Variants in TEAD1 observed in about 807,000 individuals in gnomAD.
TEAD1 encodes the protein transcriptional enhancer factor TEF-1.
Under a neutral mutation model 54.9 loss-of-function variants are expected in TEAD1, and 9 were observed. The observed-to-expected ratio is 0.16, with a 90% CI of 0.10 to 0.29. The LOEUF (loss-of-function observed/expected upper bound fraction) is 0.29. TEAD1 is among the 10% of genes least tolerant of loss of function. The pLI is 1.00. For synonymous variants in TEAD1, 200 were observed against 187.8 expected, an observed-to-expected ratio of 1.07 and a Z score of -0.53; for missense variants, 387 against 535.9, an observed-to-expected ratio of 0.72 and a Z score of 2.74.
chr11:12,806,647 C>T (rs1946178768), intron 3 of TEAD1, among the ~76,000 whole-genome samples: 1 of 152,256 alleles, frequency 6.6e-6, no homozygotes, highest in African/African-American at 2.4e-5. Context: ...GCATGACTAA[C>T]TTCCAACTGC....
intron 10 of TEAD1, among the ~76,000 whole-genome samples, chr11:12,919,986 G>A (rs374881514): frequency 3.7e-4 from 57 of 152,238 alleles, no homozygotes; most frequent in African/African-American, 1.3e-3. Flanking sequence ...TTGTTCCAGT[G>A]GTTAAACAGA....
At position 12,811,797 on chromosome 11, in the gene TEAD1, G is replaced by A. The variant is rs1173798712; in HGVS notation, c.202+47363G>A. Among the ~76,000 whole-genome samples the A allele has an allele frequency of 2.0e-5, 3 of 148,518 alleles. No individual in the cohort carries two copies. The Admixed American group carries it at 2.0e-4, about 10-fold the overall frequency. ...TGGCCCCGAATCCACTGAGGATCCC[G>A]GGATGGGGGTGCAGGCCTTCGGTTA... is the stretch of plus-strand genomic sequence containing the variant. On this transcript the variant is annotated intron_variant, in intron 3 of 12. Transcript: ENST00000527636.
At chr11:12,849,916 G>A (rs1319363169) in intron 3 of TEAD1, among the ~76,000 whole-genome samples, 2 of 152,016 alleles carry the variant, frequency 1.3e-5, no homozygotes, top group South Asian at 2.1e-4. Context: ...CTGTTTACTT[G>A]GAAACAATTT....
chr11:12,729,353 C>T (rs1944375363), intron 2 of TEAD1, among the ~76,000 whole-genome samples: 2 of 152,156 alleles, frequency 1.3e-5, no homozygotes, highest in African/African-American at 4.8e-5. Context: ...TGCAGATTCT[C>T]ATTCAGTGGA....
intron 10 of TEAD1, among the ~76,000 whole-genome samples, chr11:12,920,249 C>A (rs1306119860): frequency 6.6e-6 from 1 of 152,188 alleles, no homozygotes; most frequent in Non-Finnish European, 1.5e-5. Context: ...AAGCATGGAA[C>A]CTCGTACAGA....
At chr11:12,844,391 C>T (rs1459714409) in intron 3 of TEAD1, among the ~76,000 whole-genome samples, 2 of 152,090 alleles carry the variant, frequency 1.3e-5, no homozygotes, top group Admixed American at 6.5e-5. Context: ...AAAGGAAAGC[C>T]AGTTCCTCCC....
chr11:12,793,188 G>A (rs1240554473), intron 3 of TEAD1, among the ~76,000 whole-genome samples: 3 of 151,986 alleles, frequency 2.0e-5, no homozygotes, highest in Non-Finnish European at 4.4e-5. Flanking sequence ...ATTAAAGTGG[G>A]TTTTCCCTAC....
At chr11:12,708,202 C>G (rs1262806700) in intron 2 of TEAD1, among the ~76,000 whole-genome samples, 1 of 151,728 alleles carries the variant, frequency 6.6e-6, no homozygotes, top group African/African-American at 2.4e-5. Flanking sequence ...CTGGGAGATG[C>G]TGCCTGTGAG....
chr11:12,883,098 T>C lies in TEAD1; in HGVS notation c.672T>C (p.Phe224=). Residue 224 remains phenylalanine, a synonymous_variant, in exon 9 of 13, where the codon TTT becomes TTC. Coordinates refer to ENST00000527636, the MANE Select transcript of TEAD1 (RefSeq NM_021961.6). ...TTCGCCTGGTGGAATTTTCAGCTTTTCTCGAGCAGCAGCGAGACCCAGACT... is the reference window on the plus strand; with the variant it reads ...TTCGCCTGGTGGAATTTTCAGCTTTCCTCGAGCAGCAGCGAGACCCAGACT... 1 of 1,614,184 alleles carries C rather than the reference T, an allele frequency of 6.2e-7. No individual in the cohort carries two copies. Among genetic ancestry groups the C allele is most frequent in the Non-Finnish European group, 8.5e-7 (1 of 1,180,050 alleles).
At chr11:12,803,543 G>C (rs1280118615) in intron 3 of TEAD1, among the ~76,000 whole-genome samples, 1 of 152,218 alleles carries the variant, frequency 6.6e-6, no homozygotes, top group Non-Finnish European at 1.5e-5. Flanking sequence ...AGTGCAGTCT[G>C]TGTGGCCCTC....
chr11:12,836,980 C>A (rs2134026277), intron 3 of TEAD1, among the ~76,000 whole-genome samples: 1 of 152,266 alleles, frequency 6.6e-6, no homozygotes, highest in East Asian at 1.9e-4. Context: ...AACGTTCAGC[C>A]TCTAAGCGCA....
At chr11:12,852,617 T>C (rs1185775739) in intron 3 of TEAD1, among the ~76,000 whole-genome samples, 1 of 151,996 alleles carries the variant, frequency 6.6e-6, no homozygotes, top group Non-Finnish European at 1.5e-5. Context: ...CAGGCTAATT[T>C]TTGTATTTTT....
At chr11:12,879,041 C>T (rs922894592) in intron 5 of TEAD1, 2 of 557,086 alleles carry the variant, frequency 3.6e-6, no homozygotes, top group Non-Finnish European at 5.5e-6. Flanking sequence ...TGTAGCATCC[C>T]CTAGGCTCCT....
intron 2 of TEAD1, among the ~76,000 whole-genome samples, chr11:12,752,183 C>T (rs549165166): frequency 4.8e-5 from 7 of 145,012 alleles, no homozygotes; most frequent in Admixed American, 2.1e-4. Context: ...TCTAAGGTAA[C>T]TGGAATCAGA....
chr11:12,700,333 A>G (rs2133837232), intron 2 of TEAD1, among the ~76,000 whole-genome samples: 1 of 152,316 alleles, frequency 6.6e-6, no homozygotes, highest in East Asian at 1.9e-4. Flanking sequence ...ATAAATTAGC[A>G]TCATCCATTT....
intron 9 of TEAD1, among the ~76,000 whole-genome samples, chr11:12,887,106 T>G (rs1417528990): frequency 6.7e-6 from 1 of 150,002 alleles, no homozygotes; most frequent in Non-Finnish European, 1.5e-5. Context: ...TGTTTTTTTT[T>G]TTTTTGGAGA....
rs192964433 is a variant in TEAD1 at position 12,930,362 on chromosome 11, C to T, written c.1167+36C>T. ...TGTCTCTTTCCTCTGTGGGCAGATG[C>T]TGCCATGAGGCTTGACAGAAGTGAG... On this transcript the variant is annotated intron_variant, in intron 12 of 12. Transcript: ENST00000527636. 95 of 1,613,160 alleles carry T rather than the reference C, an allele frequency of 5.9e-5. No individual in the cohort carries two copies. In the African/African-American group the frequency reaches 1.1e-3, roughly 19 times the overall value.
At chr11:12,679,520 CTGT>C (rs1219821457) in intron 2 of TEAD1, among the ~76,000 whole-genome samples, 29 of 152,288 alleles carry the variant, frequency 1.9e-4, no homozygotes, top group Non-Finnish European at 3.2e-4. Flanking sequence ...ATATACAACA[CTGT>C]TGTTCTTACT....
chr11:12,793,801 G>T (rs1326723024), intron 3 of TEAD1, among the ~76,000 whole-genome samples: 1 of 152,224 alleles, frequency 6.6e-6, no homozygotes. Flanking sequence ...AGTGGGATTG[G>T]TGGGGATCTC....
Sources: allele counts gnomAD v4.1 joint callset (sites outside exome capture counted in the v4.1 genomes callset), GRCh38; gene constraint gnomAD v4.1.1; transcripts MANE v1.5; gene names NCBI Gene and HGNC (gene_info 2026-07-23, HGNC 2026-07-21).